Variants in GABRB3 observed in about 807,000 individuals in gnomAD.
GABRB3 encodes gamma-aminobutyric acid receptor subunit beta-3.
Under a neutral mutation model 52.1 loss-of-function variants are expected in GABRB3, and 14 were observed. The observed-to-expected ratio is 0.27, with a 90% CI of 0.18 to 0.42. GABRB3 has a LOEUF of 0.42. GABRB3 is among the 10% of genes least tolerant of loss of function. The pLI, the probability that GABRB3 is intolerant of heterozygous loss-of-function variation, is 1.00. For missense variants in GABRB3, 307 were observed against 609.1 expected (o/e 0.50, Z 5.22); for synonymous variants, 260 against 232.3 (o/e 1.12, Z -1.08).
At chr15:26,656,759 C>A (rs904597798) in intron 3 of GABRB3, among the ~76,000 whole-genome samples, 5 of 152,194 alleles carry the variant, frequency 3.3e-5, no homozygotes, top group African/African-American at 1.2e-4. Flanking sequence ...TACCCCTCCC[C>A]CAATCGCCCA....
intron 3 of GABRB3, among the ~76,000 whole-genome samples, chr15:26,700,963 G>A (rs536385669): frequency 1.3e-5 from 2 of 152,230 alleles, no homozygotes; most frequent in African/African-American, 4.8e-5. Flanking sequence ...GCTGAGGCAG[G>A]AGAATGGCGT....
chr15:26,759,914 G>A (rs979928422), intron 3 of GABRB3, among the ~76,000 whole-genome samples: 3 of 152,220 alleles, frequency 2.0e-5, no homozygotes, highest in East Asian at 1.9e-4. Context: ...AGAAACATTT[G>A]AATAGCTCAC....
chr15:26,583,083 C>A (rs755424945), intron 5 of GABRB3, among the ~76,000 whole-genome samples: 13 of 151,970 alleles, frequency 8.6e-5, no homozygotes, highest in Non-Finnish European at 1.9e-4. Flanking sequence ...TCTCCTCTCA[C>A]TGAATGGACC....
intron 6 of GABRB3, among the ~76,000 whole-genome samples, chr15:26,568,992 C>T (rs1890293089): frequency 6.6e-6 from 1 of 152,122 alleles, no homozygotes; most frequent in Non-Finnish European, 1.5e-5. Context: ...GATTGCTCCC[C>T]CACACTAGCA....
intron 3 of GABRB3, among the ~76,000 whole-genome samples, chr15:26,669,280 A>G (rs761115721): frequency 2.0e-5 from 3 of 152,204 alleles, no homozygotes; most frequent in Admixed American, 6.5e-5. Context: ...AAGTATCTCC[A>G]AAATTTAGAC....
At chr15:26,732,717 G>A (rs867903146) in intron 3 of GABRB3, among the ~76,000 whole-genome samples, 16 of 152,122 alleles carry the variant, frequency 1.1e-4, no homozygotes, top group Middle Eastern at 3.4e-3. Context: ...ACAGGCACGC[G>A]CTACCGTGGC....
At chr15:26,759,548 C>T (rs1225733692) in intron 3 of GABRB3, among the ~76,000 whole-genome samples, 2 of 152,178 alleles carry the variant, frequency 1.3e-5, no homozygotes, top group South Asian at 2.1e-4. Flanking sequence ...CATGAGCCAC[C>T]GTGCCCAGCC....
At chr15:26,730,631 C>T (rs1889887236) in intron 3 of GABRB3, among the ~76,000 whole-genome samples, 1 of 152,096 alleles carries the variant, frequency 6.6e-6, no homozygotes, top group Non-Finnish European at 1.5e-5. Context: ...TCCTTTACAT[C>T]TTAAAGTCAT....
intron 3 of GABRB3, among the ~76,000 whole-genome samples, chr15:26,757,076 T>C (rs1269412839): frequency 6.6e-6 from 1 of 152,210 alleles, no homozygotes. Flanking sequence ...TAGCAACTGG[T>C]ATATATCTAC....
At chr15:26,768,709 A>T (rs1891062977) in intron 3 of GABRB3, among the ~76,000 whole-genome samples, 1 of 152,188 alleles carries the variant, frequency 6.6e-6, no homozygotes, top group Non-Finnish European at 1.5e-5. Flanking sequence ...TATAATTTTT[A>T]TAGATTATCT....
intron 3 of GABRB3, chr15:26,642,343 A>G (rs533281942): frequency 3.7e-5 from 16 of 435,074 alleles, no homozygotes; most frequent in Non-Finnish European, 5.7e-5. Flanking sequence ...ATATGTGTGG[A>G]TTTTGGTGTA....
intron 3 of GABRB3, among the ~76,000 whole-genome samples, chr15:26,720,589 G>T (rs1419671976): frequency 6.6e-6 from 1 of 152,126 alleles, no homozygotes; most frequent in African/African-American, 2.4e-5. Context: ...CCCACCAAAA[G>T]GAATTAGATT....
intron 3 of GABRB3, among the ~76,000 whole-genome samples, chr15:26,753,266 G>A (rs1939337146): frequency 6.6e-6 from 1 of 152,186 alleles, no homozygotes; most frequent in Admixed American, 6.5e-5. Context: ...GTAGAGCCGT[G>A]AGGGCTACCT....
At position 26,546,076 on chromosome 15, in the gene GABRB3, G is replaced by A. The variant is rs879009912; in HGVS notation, c.*1717C>T. 6.5e-6 allele frequency: 1 copy of A among 152,672 alleles called. No individual in the cohort carries two copies. 9.5% of individuals were successfully genotyped at this position (152,672 alleles called of 1,614,324 possible). ...CTCTACCTACATCGAGACAACTGGG[G>A]CCTACCATTGGAGCACTCTGGTCCT... On this transcript the variant is annotated 3_prime_UTR_variant, in exon 9 of 9. Transcript: ENST00000311550.
intron 4 of GABRB3, among the ~76,000 whole-genome samples, chr15:26,598,610 G>A (rs1230580134): frequency 6.6e-6 from 1 of 152,112 alleles, no homozygotes; most frequent in Non-Finnish European, 1.5e-5. Context: ...GATGCCAGAT[G>A]AAAAAGGATT....
At chr15:26,609,103 T>TAC (rs79471574) in intron 4 of GABRB3, among the ~76,000 whole-genome samples, 4,778 of 143,288 alleles carry the variant, frequency 0.033, 148 homozygotes, top group African/African-American at 0.088. Flanking sequence ...CACACACACA[T>TAC]ACACACACAC....
At chr15:26,554,377 A>T (rs959313334) in intron 8 of GABRB3, among the ~76,000 whole-genome samples, 10 of 150,868 alleles carry the variant, frequency 6.6e-5, no homozygotes, top group Non-Finnish European at 1.3e-4. Context: ...ACATATAAAA[A>T]GCTCCTTTTA....
intron 3 of GABRB3, among the ~76,000 whole-genome samples, chr15:26,756,138 A>C (rs946572860): frequency 6.6e-6 from 1 of 152,112 alleles, no homozygotes; most frequent in Non-Finnish European, 1.5e-5. Context: ...ATATTATAAA[A>C]TTTTCTTCAT....
At chr15:26,717,166 C>G (rs1320772201) in intron 3 of GABRB3, among the ~76,000 whole-genome samples, 1 of 148,668 alleles carries the variant, frequency 6.7e-6, no homozygotes, top group Non-Finnish European at 1.5e-5. Context: ...AATGACAGCC[C>G]AGCTCTGGGG....
Sources: allele counts gnomAD v4.1 joint callset (sites outside exome capture counted in the v4.1 genomes callset), GRCh38; gene constraint gnomAD v4.1.1; transcripts MANE v1.5; gene names NCBI Gene and HGNC (gene_info 2026-07-23, HGNC 2026-07-21).